NALF1: variants seen among roughly 807,000 people sequenced by gnomAD.
The protein encoded by NALF1 is NALCN channel auxiliary factor 1.
NALF1 carries 3 observed loss-of-function variants against 48.4 expected under a neutral mutation model. That is an observed-to-expected ratio of 0.06 (90% CI 0.03 to 0.16). NALF1 has a LOEUF of 0.16. Among genes scored for constraint, NALF1 ranks in the 10% least tolerant of loss-of-function variants. NALF1 has a pLI of 1.00. For synonymous variants in NALF1, 262 were observed against 245.7 expected (o/e 1.07, Z -0.62); for missense variants, 526 against 571.5 (o/e 0.92, Z 0.81).
intron 1 of NALF1, among the ~76,000 whole-genome samples, chr13:107,677,607 C>T (rs1881164525): frequency 6.6e-6 from 1 of 152,054 alleles, no homozygotes; most frequent in Non-Finnish European, 1.5e-5. Flanking sequence ...AATGGAATAT[C>T]ACATACATTA....
At chr13:107,729,384 C>T (rs1272286826) in intron 1 of NALF1, among the ~76,000 whole-genome samples, 1 of 151,538 alleles carries the variant, frequency 6.6e-6, no homozygotes, top group Non-Finnish European at 1.5e-5. Context: ...TAATAGGATG[C>T]TGTTCTTTGT....
At chr13:107,861,195 T>G (rs564688756) in intron 1 of NALF1, among the ~76,000 whole-genome samples, 2 of 152,314 alleles carry the variant, frequency 1.3e-5, no homozygotes, top group Admixed American at 1.3e-4. Flanking sequence ...TTCAACCTCA[T>G]AAATAGCTTT....
rs1883864723 is a variant in NALF1, at chr13:107,404,395, G to T, written c.916-193640C>A. Among the ~76,000 whole-genome samples the T allele has an allele frequency of 2.6e-5, 4 of 151,962 alleles. No individual in the cohort carries two copies. In the South Asian group the frequency reaches 8.3e-4, roughly 32 times the overall value. On this transcript the variant is annotated intron_variant, in intron 1 of 2. Coordinates refer to ENST00000375915, the MANE Select transcript of NALF1 (RefSeq NM_001080396.3). ...AGCTTCAAAGATTTGTCCCATAAGAGAATATGGTTTATATTTGAAAAAAAA... is the reference window on the plus strand; with the variant it reads ...AGCTTCAAAGATTTGTCCCATAAGATAATATGGTTTATATTTGAAAAAAAA...
intron 1 of NALF1, among the ~76,000 whole-genome samples, chr13:107,724,567 T>C (rs1321921513): frequency 7.2e-6 from 1 of 138,114 alleles, no homozygotes; most frequent in Admixed American, 7.2e-5. Flanking sequence ...TTCCTTTTAC[T>C]TTGCTCGTTT....
In NALF1 at chr13:107,851,345, T is replaced by G. The variant is rs796267314; in HGVS notation, c.915+14337A>C. ...GGAAAAGTTCACAGATGAACAGTTT[T>G]TTTTTTTTTTCTTTAAGTGGCCAGA... On this transcript the variant is annotated intron_variant, in intron 1 of 2. Transcript: ENST00000375915. 9.3e-3 allele frequency among the ~76,000 whole-genome samples: 1,408 copies of G among 152,018 alleles called. 9 individuals carry two copies. Among genetic ancestry groups the G allele is most frequent in the Middle Eastern group, 0.027 (8 of 294 alleles).
In NALF1 at chr13:107,860,747, A is replaced by C. The variant is rs191382452; in HGVS notation, c.915+4935T>G. 2.0e-5 allele frequency among the ~76,000 whole-genome samples: 3 copies of C among 152,378 alleles called. No individual in the cohort carries two copies. The East Asian group carries it at 5.8e-4, about 29-fold the overall frequency. On this transcript the variant is annotated intron_variant, in intron 1 of 2. Coordinates refer to ENST00000375915, the MANE Select transcript of NALF1 (RefSeq NM_001080396.3). ...TAAAGCAATAGTTCACATCATTCAA[A>C]TCAAAATAGTCTTTTGTTTGAAACA...
intron 1 of NALF1, among the ~76,000 whole-genome samples, chr13:107,248,068 C>T (rs2045351864): frequency 1.3e-5 from 2 of 152,038 alleles, no homozygotes; most frequent in Admixed American, 1.3e-4. Context: ...TGTCCTACCC[C>T]AAGTGCATGA....
intron 2 of NALF1, among the ~76,000 whole-genome samples, chr13:107,176,151 C>T (rs1215612435): frequency 6.6e-5 from 10 of 152,094 alleles, no homozygotes; most frequent in Non-Finnish European, 1.0e-4. Context: ...CAAGAACCTC[C>T]TTGCACAAAC....
intron 1 of NALF1, among the ~76,000 whole-genome samples, chr13:107,791,544 C>T (rs1257423963): frequency 6.6e-6 from 1 of 152,050 alleles, no homozygotes; most frequent in Non-Finnish European, 1.5e-5. Flanking sequence ...ATATGATGAT[C>T]CTTTGGTTCT....
At chr13:107,531,506 T>C (rs994891146) in intron 1 of NALF1, among the ~76,000 whole-genome samples, 22 of 152,122 alleles carry the variant, frequency 1.4e-4, no homozygotes. Context: ...ATTAAACCTC[T>C]TTGTTTTATA....
chr13:107,830,977 G>A (rs1357527176), intron 1 of NALF1, among the ~76,000 whole-genome samples: 1 of 152,210 alleles, frequency 6.6e-6, no homozygotes, highest in Non-Finnish European at 1.5e-5. Context: ...AAGAGCATGG[G>A]CTGACAGTGC....
chr13:107,313,219 A>C (rs573310532), intron 1 of NALF1, among the ~76,000 whole-genome samples: 8 of 152,168 alleles, frequency 5.3e-5, no homozygotes, highest in Admixed American at 2.6e-4. Flanking sequence ...ACACAGGGAA[A>C]AAGGAACAGG....
At chr13:107,796,463 G>C (rs985274418) in intron 1 of NALF1, among the ~76,000 whole-genome samples, 1 of 152,122 alleles carries the variant, frequency 6.6e-6, no homozygotes, top group Admixed American at 6.6e-5. Context: ...GTGAACAAAT[G>C]ATTGAGATGT....
chr13:107,318,118 A>G (rs1882185740), intron 1 of NALF1, among the ~76,000 whole-genome samples: 2 of 152,110 alleles, frequency 1.3e-5, no homozygotes, highest in Admixed American at 1.3e-4. Context: ...AAAGCAAAGG[A>G]AGCAAATAAT....
Position 107,321,645 on chromosome 13 carries a change from ATGGGTTGTTCC to A in NALF1, c.916-110901_916-110891del, listed in dbSNP as rs1882257077. Among the ~76,000 whole-genome samples, 3 of 152,078 alleles carry A rather than the reference ATGGGTTGTTCC, an allele frequency of 2.0e-5. No individual in the cohort carries two copies. The South Asian group carries it at 6.2e-4, about 31-fold the overall frequency. On this transcript the variant is annotated intron_variant, in intron 1 of 2. Coordinates refer to ENST00000375915, the MANE Select transcript of NALF1 (RefSeq NM_001080396.3). ...TGAACTTTGGTTTCCACCAACTTCC[ATGGGTTGTTCC>A]TGGCCCTGCGTCTAGAACTACACAG...
intron 1 of NALF1, among the ~76,000 whole-genome samples, chr13:107,596,784 GC>G (rs1878766179): frequency 1.3e-5 from 2 of 152,090 alleles, no homozygotes; most frequent in Non-Finnish European, 2.9e-5. Context: ...TAACAAACCT[GC>G]CCATTCTGCA....
chr13:107,458,358 AAAAATAGCAGTGAG>A (rs1413304342), intron 1 of NALF1, among the ~76,000 whole-genome samples: 2 of 152,286 alleles, frequency 1.3e-5, no homozygotes, highest in East Asian at 3.9e-4. Flanking sequence ...CAAGAGTGCT[AAAAATAGCAGTGAG>A]AACAGGGACC....
At chr13:107,719,495 G>T (rs1391122298) in intron 1 of NALF1, among the ~76,000 whole-genome samples, 1 of 151,986 alleles carries the variant, frequency 6.6e-6, no homozygotes, top group African/African-American at 2.4e-5. Context: ...ACTTTGTAAA[G>T]AAATTCCCAA....
intron 1 of NALF1, among the ~76,000 whole-genome samples, chr13:107,850,647 A>G (rs1339737535): frequency 6.6e-6 from 1 of 152,218 alleles, no homozygotes; most frequent in African/African-American, 2.4e-5. Flanking sequence ...TCACGCCTAT[A>G]ATCCCAGCAC....
Sources: allele counts gnomAD v4.1 joint callset (sites outside exome capture counted in the v4.1 genomes callset), GRCh38; gene constraint gnomAD v4.1.1; transcripts MANE v1.5; gene names NCBI Gene and HGNC (gene_info 2026-07-23, HGNC 2026-07-21).